Variants in EFCAB6 observed in about 807,000 individuals in gnomAD.
The protein encoded by EFCAB6 is EF-hand calcium-binding domain-containing protein 6.
In EFCAB6, 156 loss-of-function variants were observed where a neutral mutation model predicts 169.8. The observed-to-expected ratio is 0.92, with a 90% CI of 0.81 to 1.05. The LOEUF (loss-of-function observed/expected upper bound fraction) is 1.05. EFCAB6 is among the 50% of genes least tolerant of loss of function. The pLI is 0.00. For synonymous variants in EFCAB6, 698 were observed against 676.4 expected (o/e 1.03, Z -0.50); for missense variants, 1,800 against 1,829.1 (o/e 0.98, Z 0.29).
chr22:43,732,431 G>A lies in EFCAB6; in HGVS notation c.645-620C>T, dbSNP rs117365693. ...AACATACAAGGCTTTTTAAAACAGC[G>A]AACCACTGTCTATTCCTGAAACATA... On this transcript the variant is annotated intron_variant, in intron 7 of 31. Coordinates refer to ENST00000262726, the MANE Select transcript of EFCAB6 (RefSeq NM_022785.4). 3.3e-4 allele frequency among the ~76,000 whole-genome samples: 49 copies of A among 150,148 alleles called. No homozygotes were observed. In the East Asian group the frequency reaches 6.9e-3, roughly 21 times the overall value.
rs749982789 is a variant in EFCAB6, at chr22:43,608,639, T to C, written c.2563-39A>G. On this transcript the variant is annotated intron_variant, in intron 21 of 31. Coordinates refer to ENST00000262726, the MANE Select transcript of EFCAB6 (RefSeq NM_022785.4). Reference sequence around the variant, plus strand: ...ATACGGTATTTAGGAACATGTGAAATGTGCGTATGACAGCAGAAAAGATGT... The same window carrying C: ...ATACGGTATTTAGGAACATGTGAAACGTGCGTATGACAGCAGAAAAGATGT... 8 of 1,589,102 alleles carry C rather than the reference T, an allele frequency of 5.0e-6. No individual in the cohort carries two copies. The East Asian group carries it at 1.6e-4, about 31-fold the overall frequency.
At chr22:43,612,926 G>T (rs2053420505) in intron 21 of EFCAB6, among the ~76,000 whole-genome samples, 1 of 65,790 alleles carries the variant, frequency 1.5e-5, no homozygotes, top group African/African-American at 5.3e-5. Context: ...AAAAAAAACA[G>T]ATGCTGTAAA....
intron 27 of EFCAB6, among the ~76,000 whole-genome samples, chr22:43,543,132 G>A (rs2047842875): frequency 6.6e-6 from 1 of 152,214 alleles, no homozygotes; most frequent in Non-Finnish European, 1.5e-5. Context: ...GCCAAGGGGA[G>A]GGACGGAATT....
At chr22:43,785,322 A>G (rs894008155) in intron 2 of EFCAB6, among the ~76,000 whole-genome samples, 1 of 152,222 alleles carries the variant, frequency 6.6e-6, no homozygotes, top group Non-Finnish European at 1.5e-5. Flanking sequence ...TGAAATTATC[A>G]GAGTATAATC....
chr22:43,664,261 G>A (rs1418719109), intron 17 of EFCAB6, among the ~76,000 whole-genome samples: 1 of 152,178 alleles, frequency 6.6e-6, no homozygotes, highest in East Asian at 1.9e-4. Context: ...AGTCCTCAGG[G>A]TGGCATTCAT....
In EFCAB6 at chr22:43,572,122, C is replaced by T. The variant is rs933040768; in HGVS notation, c.3420+4175G>A. Reference sequence around the variant, plus strand: ...TCTGCATCCACGGTTCCTAGTCCACCGTGGTTAGTCCCTGTCTCAAGCACA... The same window carrying T: ...TCTGCATCCACGGTTCCTAGTCCACTGTGGTTAGTCCCTGTCTCAAGCACA... On this transcript the variant is annotated intron_variant, in intron 26 of 31. Coordinates refer to ENST00000262726, the MANE Select transcript of EFCAB6 (RefSeq NM_022785.4). The surrounding 1 kb of genome is among the most constrained non-coding windows in gnomAD (Gnocchi z 4.0). Among the ~76,000 whole-genome samples, 3 of 152,152 alleles carry T rather than the reference C, an allele frequency of 2.0e-5. No homozygotes were observed. Among genetic ancestry groups the T allele is most frequent in the South Asian group, 2.1e-4 (1 of 4,830 alleles).
intron 17 of EFCAB6, among the ~76,000 whole-genome samples, chr22:43,637,542 T>C (rs750899708): frequency 1.1e-4 from 17 of 152,192 alleles, no homozygotes; most frequent in Non-Finnish European, 2.5e-4. Flanking sequence ...AAACAGGCTG[T>C]GTGTGGCTAG....
chr22:43,677,971 A>G (rs748246076), intron 13 of EFCAB6, 25 bp downstream of exon 13: 2 of 1,595,670 alleles, frequency 1.3e-6, no homozygotes, highest in South Asian at 2.3e-5. Context: ...GAGAAAACCA[A>G]ACAGGAAGTT....
At chr22:43,727,252 G>A (rs751411209) in intron 8 of EFCAB6, among the ~76,000 whole-genome samples, 6 of 152,068 alleles carry the variant, frequency 3.9e-5, no homozygotes, top group Admixed American at 6.6e-5. Flanking sequence ...ACAGTGAGAT[G>A]CCATCTCCAC....
chr22:43,564,725 T>C (rs1242832300), intron 26 of EFCAB6, among the ~76,000 whole-genome samples: 4 of 152,178 alleles, frequency 2.6e-5, no homozygotes, highest in Non-Finnish European at 5.9e-5. Flanking sequence ...TGTCCTCCTG[T>C]TTCAGCAGCT....
At chr22:43,645,876 C>G (rs2056123563) in intron 17 of EFCAB6, among the ~76,000 whole-genome samples, 1 of 151,536 alleles carries the variant, frequency 6.6e-6, no homozygotes. Flanking sequence ...AAAACAAAAA[C>G]TGAGACTGAA....
chr22:43,799,689 C>G (rs2062634585), intron 2 of EFCAB6, among the ~76,000 whole-genome samples: 1 of 152,202 alleles, frequency 6.6e-6, no homozygotes, highest in African/African-American at 2.4e-5. Flanking sequence ...TAGAAGCAAG[C>G]TGGCTTCACT....
chr22:43,714,656 T>C (rs180681856), intron 9 of EFCAB6, among the ~76,000 whole-genome samples: 2 of 151,972 alleles, frequency 1.3e-5, no homozygotes, highest in East Asian at 3.9e-4. Flanking sequence ...GGAAAAAATA[T>C]TTACAACATT....
chr22:43,599,935 A>G (rs2052370953), intron 23 of EFCAB6, 134 bp downstream of exon 23: 2 of 1,008,160 alleles, frequency 2.0e-6, no homozygotes, highest in East Asian at 2.4e-5. Context: ...AGAATCGACA[A>G]CTGTGAACAA....
chr22:43,800,793 GA>G (rs200722717), intron 2 of EFCAB6, among the ~76,000 whole-genome samples: 3 of 151,206 alleles, frequency 2.0e-5, no homozygotes, highest in Non-Finnish European at 4.4e-5. Flanking sequence ...GGAGAAAAAT[GA>G]AAAAAAAGAA....
In EFCAB6 at chr22:43,572,523, C is replaced by A. The variant is rs533606538; in HGVS notation, c.3420+3774G>T. ...AGTCTTTACAAGGACCCCAAGCCTA[C>A]GGCCGCCTGGCTCCTTCGCTCCCTG... On this transcript the variant is annotated intron_variant, in intron 26 of 31. Coordinates refer to ENST00000262726, the MANE Select transcript of EFCAB6 (RefSeq NM_022785.4). The surrounding 1 kb of genome is among the most constrained non-coding windows in gnomAD (Gnocchi z 4.0). Among the ~76,000 whole-genome samples, 2 of 152,336 alleles carry A rather than the reference C, an allele frequency of 1.3e-5. No homozygotes were observed. The highest frequency in any genetic ancestry group is 1.9e-4 in the East Asian group (1 of 5,168).
At chr22:43,699,713 AATGTC>A (rs2147259114) in intron 10 of EFCAB6, among the ~76,000 whole-genome samples, 1 of 152,274 alleles carries the variant, frequency 6.6e-6, no homozygotes, top group South Asian at 2.1e-4. Context: ...CCTTTTCCAA[AATGTC>A]ATATAAGTAG....
At chr22:43,688,185 C>A (rs1262624982) in intron 10 of EFCAB6, among the ~76,000 whole-genome samples, 1 of 152,160 alleles carries the variant, frequency 6.6e-6, no homozygotes, top group Non-Finnish European at 1.5e-5. Flanking sequence ...TGTGAACCAA[C>A]AAATGCAGGT....
intron 2 of EFCAB6, among the ~76,000 whole-genome samples, chr22:43,798,792 G>A (rs900130827): frequency 6.6e-6 from 1 of 152,174 alleles, no homozygotes; most frequent in African/African-American, 2.4e-5. Flanking sequence ...CCTGCCTGGA[G>A]TCCTCTCTCT....
Sources: allele counts gnomAD v4.1 joint callset (sites outside exome capture counted in the v4.1 genomes callset), GRCh38; gene constraint gnomAD v4.1.1; non-coding constraint Gnocchi (gnomAD v3.1); transcripts MANE v1.5; gene names NCBI Gene and HGNC (gene_info 2026-07-23, HGNC 2026-07-21).